The following L3MBTL3 variants were observed in gnomAD, a reference collection of about 807,000 sequenced individuals.
The protein encoded by L3MBTL3 is L3MBTL histone methyl-lysine binding protein 3.
In L3MBTL3, 27 loss-of-function variants were observed where a neutral mutation model predicts 102.3. The observed-to-expected ratio is 0.26, with a 90% CI of 0.19 to 0.36. The LOEUF (loss-of-function observed/expected upper bound fraction) is 0.36. Among genes scored for constraint, L3MBTL3 ranks in the 10% least tolerant of loss-of-function variants. The pLI is 1.00. For synonymous variants in L3MBTL3, 340 were observed against 320.9 expected (o/e 1.06, Z -0.64); for missense variants, 798 against 955.3 (o/e 0.84, Z 2.17).
intron 2 of L3MBTL3, among the ~76,000 whole-genome samples, chr6:130,041,981 A>T (rs548199832): frequency 6.6e-6 from 1 of 152,226 alleles, no homozygotes; most frequent in Non-Finnish European, 1.5e-5. Context: ...ACACATCATG[A>T]ATTCATACTG....
intron 2 of L3MBTL3, among the ~76,000 whole-genome samples, chr6:130,029,756 C>A (rs144881276): frequency 6.6e-6 from 1 of 152,086 alleles, no homozygotes; most frequent in Non-Finnish European, 1.5e-5. Flanking sequence ...TGTGAGACTT[C>A]AGAGATCTGA....
At chr6:130,108,711 A>G (rs1268560199) in intron 19 of L3MBTL3, among the ~76,000 whole-genome samples, 1 of 151,410 alleles carries the variant, frequency 6.6e-6, no homozygotes, top group Non-Finnish European at 1.5e-5. Context: ...TTTTACTTTA[A>G]GTTGTAGGGT....
At chr6:130,053,297 A>C (rs1314285624) in intron 7 of L3MBTL3, among the ~76,000 whole-genome samples, 1 of 152,216 alleles carries the variant, frequency 6.6e-6, no homozygotes, top group African/African-American at 2.4e-5. Context: ...TCTTGACAAC[A>C]CAATGCCAAT....
chr6:130,082,623 C>T (rs1275689470), intron 14 of L3MBTL3, among the ~76,000 whole-genome samples: 1 of 152,144 alleles, frequency 6.6e-6, no homozygotes, highest in African/African-American at 2.4e-5. Context: ...AGGCTTATCT[C>T]ATACTTTCCC....
Position 130,079,578 on chromosome 6 carries a change from A to G in L3MBTL3, c.1321+944A>G, listed in dbSNP as rs188270989. 3.9e-5 allele frequency among the ~76,000 whole-genome samples: 6 copies of G among 152,342 alleles called. No individual in the cohort carries two copies. The East Asian group carries it at 1.2e-3, about 29-fold the overall frequency. ...CATCAAACTGAAAGCATCCCTGCGC[A>G]GTAGACAATTGCTTAGTGGACCCTT... On this transcript the variant is annotated intron_variant, in intron 14 of 22. Coordinates refer to ENST00000361794, the MANE Select transcript of L3MBTL3 (RefSeq NM_032438.4).
At position 130,096,684 on chromosome 6, in the gene L3MBTL3, G is replaced by A. The variant is rs75954968; in HGVS notation, c.1736+2317G>A. ...TCCCCAAGTGTGCAGGTGGACCTCC[G>A]AGGGTTCCTCAGCTGGGCCACACCC... is the stretch of plus-strand genomic sequence containing the variant. On this transcript the variant is annotated intron_variant, in intron 18 of 22. Transcript: ENST00000361794. Among the ~76,000 whole-genome samples the A allele has an allele frequency of 9.9e-3, 1,514 of 152,290 alleles. 20 individuals are homozygous for A. The highest frequency in any genetic ancestry group is 0.034 in the African/African-American group (1,425 of 41,560).
Position 130,130,970 on chromosome 6 carries a change from T to A in L3MBTL3, c.1967-2482T>A, listed in dbSNP as rs551713968. On this transcript the variant is annotated intron_variant, in intron 20 of 22. Coordinates refer to ENST00000361794, the MANE Select transcript of L3MBTL3 (RefSeq NM_032438.4). ...ACAGAACAATAAGAAATAAATTTTT[T>A]AAAAATTTACCACTTATAACAGCCT... is the stretch of plus-strand genomic sequence containing the variant. Among the ~76,000 whole-genome samples the A allele has an allele frequency of 2.6e-4, 39 of 152,310 alleles. 1 individual carries two copies. Among genetic ancestry groups the A allele is most frequent in the South Asian group, 1.9e-3 (9 of 4,832 alleles).
chr6:130,034,897 T>C (rs983860804), intron 2 of L3MBTL3, among the ~76,000 whole-genome samples: 1 of 152,226 alleles, frequency 6.6e-6, no homozygotes, highest in Non-Finnish European at 1.5e-5. Flanking sequence ...TGCGAATGCA[T>C]ACCTGAGTTG....
intron 2 of L3MBTL3, among the ~76,000 whole-genome samples, chr6:130,032,255 C>T (rs185368813): frequency 1.3e-5 from 2 of 152,300 alleles, no homozygotes; most frequent in Admixed American, 1.3e-4. Flanking sequence ...AGATGGCTTA[C>T]TACCATAGAT....
At chr6:130,049,909 C>G in intron 5 of L3MBTL3, 79 bp downstream of exon 5, 3 of 1,517,972 alleles carry the variant, frequency 2.0e-6, no homozygotes, top group Non-Finnish European at 2.7e-6. Context: ...GCTCTTTCTT[C>G]CCTAACCCAT....
chr6:130,078,673 C>T, intron 14 of L3MBTL3, 39 bp downstream of exon 14: 1 of 1,355,198 alleles, frequency 7.4e-7, no homozygotes, highest in South Asian at 1.2e-5. Context: ...TATTCGTAGA[C>T]TTCAAGAGTA....
intron 2 of L3MBTL3, among the ~76,000 whole-genome samples, chr6:130,038,339 C>T (rs747286884): frequency 1.3e-5 from 2 of 151,720 alleles, no homozygotes; most frequent in South Asian, 2.1e-4. Context: ...TTTGAGGATC[C>T]TCCATACTGT....
intron 18 of L3MBTL3, among the ~76,000 whole-genome samples, chr6:130,102,141 G>A (rs953775795): frequency 6.6e-6 from 1 of 151,134 alleles, no homozygotes; most frequent in African/African-American, 2.4e-5. Context: ...AGTTCTTCAA[G>A]CCAAAAACCA....
chr6:130,048,676 T>A (rs1186962777), intron 3 of L3MBTL3, among the ~76,000 whole-genome samples: 1 of 152,158 alleles, frequency 6.6e-6, no homozygotes, highest in Non-Finnish European at 1.5e-5. Flanking sequence ...GTGAAGATAA[T>A]GCAGAATTCT....
intron 1 of L3MBTL3, chr6:130,020,469 C>T (rs921861568): frequency 6.6e-6 from 1 of 152,232 alleles, no homozygotes; most frequent in South Asian, 2.1e-4. Context: ...GCGATTCCCC[C>T]CTCCCCCAGT....
rs915358994 is a variant in L3MBTL3, at chr6:130,042,677, C to G, written c.-15-8C>G. 8 of 1,515,826 alleles carry G rather than the reference C, an allele frequency of 5.3e-6. No homozygotes were observed. The Admixed American group carries it at 6.7e-5, about 13-fold the overall frequency. The allele number at this position is 1,515,826 out of a possible 1,614,324, so 93.9% of individuals were successfully genotyped here. ...TATTTAGTGATATGCCTTCTTTTCC[C>G]CTTTCAGGTTAAAAAATAAATCATG... On this transcript the variant is annotated splice_region_variant and splice_polypyrimidine_tract_variant and intron_variant, in intron 2 of 22. Transcript: ENST00000361794.
chr6:130,104,329 A>G, intron 18 of L3MBTL3, 97 bp from the exon 19 acceptor site: 2 of 850,478 alleles, frequency 2.4e-6, no homozygotes, highest in South Asian at 6.6e-5. Flanking sequence ...AAATTTTAGA[A>G]TTTTATATTC....
chr6:130,099,900 A>G (rs1264178218), intron 18 of L3MBTL3, among the ~76,000 whole-genome samples: 1 of 152,198 alleles, frequency 6.6e-6, no homozygotes, highest in Non-Finnish European at 1.5e-5. Context: ...GACACTTCCT[A>G]AGCACACAAT....
intron 19 of L3MBTL3, among the ~76,000 whole-genome samples, chr6:130,105,390 A>C (rs1582577796): frequency 6.6e-6 from 1 of 152,156 alleles, no homozygotes; most frequent in African/African-American, 2.4e-5. Context: ...TACCCTTTGG[A>C]TGGAGTAGGG....
Sources: allele counts gnomAD v4.1 joint callset (sites outside exome capture counted in the v4.1 genomes callset), GRCh38; gene constraint gnomAD v4.1.1; transcripts MANE v1.5; gene names NCBI Gene and HGNC (gene_info 2026-07-23, HGNC 2026-07-21).